Variants in MARCHF11 observed in about 807,000 individuals in gnomAD.
MARCHF11 encodes the protein membrane associated ring-CH-type finger 11.
In MARCHF11, 29 loss-of-function variants were observed where a neutral mutation model predicts 37.3. The ratio of observed to expected loss-of-function variants is 0.78; its 90% confidence interval spans 0.58 to 1.06. The LOEUF is 1.06. MARCHF11 is among the 50% of genes least tolerant of loss of function. MARCHF11 has a pLI of 0.00. For synonymous variants in MARCHF11, 233 were observed against 228.0 expected, an observed-to-expected ratio of 1.02 and a Z score of -0.20; for missense variants, 482 against 533.4, an observed-to-expected ratio of 0.90 and a Z score of 0.95.
intron 2 of MARCHF11, among the ~76,000 whole-genome samples, chr5:16,119,321 C>A (rs1443937259): frequency 6.6e-6 from 1 of 151,780 alleles, no homozygotes; most frequent in African/African-American, 2.4e-5. Flanking sequence ...AAGATCGTAC[C>A]ACTGCACTCC....
intron 2 of MARCHF11, among the ~76,000 whole-genome samples, chr5:16,127,122 A>G (rs564840581): frequency 3.2e-4 from 48 of 152,258 alleles, no homozygotes; most frequent in Non-Finnish European, 5.6e-4. Context: ...GACTTAATGG[A>G]TATGTGCAGT....
chr5:16,157,428 C>T (rs1488504659), intron 2 of MARCHF11, among the ~76,000 whole-genome samples: 1 of 151,960 alleles, frequency 6.6e-6, no homozygotes, highest in Non-Finnish European at 1.5e-5. Context: ...CATCACACTA[C>T]TTTATGTCAA....
intron 2 of MARCHF11, among the ~76,000 whole-genome samples, chr5:16,160,360 TA>T: frequency 6.9e-6 from 1 of 145,398 alleles, no homozygotes; most frequent in South Asian, 2.1e-4. Flanking sequence ...ATTAAATATT[TA>T]ATATATAAAT....
At chr5:16,082,159 A>G (rs1457077505) in intron 3 of MARCHF11, among the ~76,000 whole-genome samples, 2 of 152,174 alleles carry the variant, frequency 1.3e-5, no homozygotes, top group Non-Finnish European at 2.9e-5. Context: ...TCCGCTTTCC[A>G]GGGGCTTTCC....
In MARCHF11 at chr5:16,172,417, T is replaced by C. The variant is rs1007792100; in HGVS notation, c.693+5309A>G. ...ATATCTCAGCATTGTTTTTTAGTTATTCAGCCACGGTAATAAAACACGTCT... is the reference window on the plus strand; with the variant it reads ...ATATCTCAGCATTGTTTTTTAGTTACTCAGCCACGGTAATAAAACACGTCT... On this transcript the variant is annotated intron_variant, in intron 2 of 3. Coordinates refer to ENST00000332432, the MANE Select transcript of MARCHF11 (RefSeq NM_001102562.3). Among the ~76,000 whole-genome samples, 7 of 152,182 alleles carry C rather than the reference T, an allele frequency of 4.6e-5. No homozygotes were observed. In the South Asian group the frequency reaches 8.3e-4, roughly 18 times the overall value.
At chr5:16,176,645 A>C (rs1227418287) in intron 2 of MARCHF11, among the ~76,000 whole-genome samples, 1 of 152,216 alleles carries the variant, frequency 6.6e-6, no homozygotes, top group Non-Finnish European at 1.5e-5. Context: ...TGCAAACTAT[A>C]TAAAGGATAC....
intron 2 of MARCHF11, among the ~76,000 whole-genome samples, chr5:16,158,244 A>T (rs995989551): frequency 2.6e-5 from 4 of 151,908 alleles, no homozygotes; most frequent in African/African-American, 9.7e-5. Flanking sequence ...ATTAGTACAG[A>T]CATTATGGAA....
At chr5:16,100,235 G>C (rs896555163) in intron 2 of MARCHF11, among the ~76,000 whole-genome samples, 6 of 152,156 alleles carry the variant, frequency 3.9e-5, no homozygotes, top group African/African-American at 1.4e-4. Context: ...CTTTACTAAG[G>C]AGATTCTTCC....
chr5:16,098,761 C>G (rs1277197519), intron 2 of MARCHF11, among the ~76,000 whole-genome samples: 1 of 146,272 alleles, frequency 6.8e-6, no homozygotes, highest in Non-Finnish European at 1.5e-5. Flanking sequence ...GAGTGAGACT[C>G]CATCTCAAAA....
At chr5:16,125,641 G>C (rs1461320428) in intron 2 of MARCHF11, among the ~76,000 whole-genome samples, 2 of 142,634 alleles carry the variant, frequency 1.4e-5, no homozygotes, top group South Asian at 2.1e-4. Context: ...GTGTGTGTGT[G>C]TGTGTGTGTG....
chr5:16,120,449 C>G (rs1737292303), intron 2 of MARCHF11, among the ~76,000 whole-genome samples: 1 of 152,244 alleles, frequency 6.6e-6, no homozygotes, highest in South Asian at 2.1e-4. Context: ...CTCCACAGAG[C>G]AGCCAGACAG....
intron 2 of MARCHF11, among the ~76,000 whole-genome samples, chr5:16,121,050 G>A (rs899095199): frequency 7.2e-5 from 11 of 152,112 alleles, no homozygotes; most frequent in South Asian, 2.1e-4. Flanking sequence ...TTTGTTCCCC[G>A]CACACTGACT....
intron 2 of MARCHF11, among the ~76,000 whole-genome samples, chr5:16,127,085 A>T (rs375495153): frequency 6.6e-6 from 1 of 152,174 alleles, no homozygotes; most frequent in Admixed American, 6.5e-5. Flanking sequence ...AAACTATTCA[A>T]GTTTCACAGG....
intron 2 of MARCHF11, among the ~76,000 whole-genome samples, chr5:16,115,990 G>T (rs1259243814): frequency 3.9e-5 from 6 of 152,102 alleles, no homozygotes; most frequent in African/African-American, 9.7e-5. Flanking sequence ...TGACTTTTGG[G>T]TTGGTATGCA....
intron 3 of MARCHF11, among the ~76,000 whole-genome samples, chr5:16,087,058 G>A (rs1398869973): frequency 1.3e-5 from 2 of 152,170 alleles, no homozygotes; most frequent in Non-Finnish European, 2.9e-5. Context: ...AAATCCTAAA[G>A]TGACTTAAAT....
rs574703654 is a variant in MARCHF11 at position 16,081,687 on chromosome 5, A to G, written c.886+9202T>C. ...GCCCCCAGTGAAAGAGACAACTGAC[A>G]GTGTCACACTATCTCCTATGGAGGA... On this transcript the variant is annotated intron_variant, in intron 3 of 3. Transcript: ENST00000332432. Among the ~76,000 whole-genome samples, 7 of 152,344 alleles carry G rather than the reference A, an allele frequency of 4.6e-5. No homozygotes were observed. The South Asian group carries it at 8.3e-4, about 18-fold the overall frequency.
At position 16,114,608 on chromosome 5, in the gene MARCHF11, C is replaced by G. The variant is rs1224192468; in HGVS notation, c.694-23527G>C. 3.3e-5 allele frequency among the ~76,000 whole-genome samples: 5 copies of G among 151,992 alleles called. No homozygotes were observed. In the East Asian group the frequency reaches 9.7e-4, roughly 29 times the overall value. ...CACTCGATAGCCCAACCAGTAGGAT[C>G]AGAGGATCCACTGCCTGTGTGTAAC... On this transcript the variant is annotated intron_variant, in intron 2 of 3. Transcript: ENST00000332432.
At chr5:16,119,231 C>T (rs561432232) in intron 2 of MARCHF11, among the ~76,000 whole-genome samples, 81 of 151,990 alleles carry the variant, frequency 5.3e-4, no homozygotes, top group Non-Finnish European at 1.0e-3. Context: ...GGTGTGGTGA[C>T]TCACGCCTGT....
At chr5:16,121,301 CTATT>C (rs1413311531) in intron 2 of MARCHF11, among the ~76,000 whole-genome samples, 5 of 152,170 alleles carry the variant, frequency 3.3e-5, no homozygotes, top group African/African-American at 1.2e-4. Flanking sequence ...ACTATATTTA[CTATT>C]TATTTATTCA....
Sources: gnomAD v4.1 joint callset for allele counts (sites outside exome capture counted in the v4.1 genomes callset) on GRCh38, gnomAD v4.1.1 for gene constraint, MANE v1.5 for transcripts, NCBI Gene and HGNC (gene_info 2026-07-23, HGNC 2026-07-21) for gene names.